RPTOR: variants seen among roughly 807,000 people sequenced by gnomAD.
The protein encoded by RPTOR is regulatory associated protein of MTOR complex 1.
Under a neutral mutation model 169.9 loss-of-function variants are expected in RPTOR, and 21 were observed. That is an observed-to-expected ratio of 0.12 (90% CI 0.09 to 0.18). The LOEUF (loss-of-function observed/expected upper bound fraction) is 0.18. Among genes scored for constraint, RPTOR ranks in the 10% least tolerant of loss-of-function variants. The pLI is 1.00. For missense variants in RPTOR, 1,133 were observed against 1,855.9 expected, an observed-to-expected ratio of 0.61 and a Z score of 7.16; for synonymous variants, 732 against 753.2, an observed-to-expected ratio of 0.97 and a Z score of 0.46.
At position 80,908,800 on chromosome 17, in the gene RPTOR, C is replaced by A; in HGVS notation, c.2402-11C>A. ...CTTTCCACTAAAACATCTTCCATTT[C>A]TCTCTCTCAGGAGTTTCCTTTAACA... On this transcript the variant is annotated splice_polypyrimidine_tract_variant and intron_variant, in intron 20 of 33. Coordinates refer to ENST00000306801, the MANE Select transcript of RPTOR (RefSeq NM_020761.3). 2 of 1,596,562 alleles carry A rather than the reference C, an allele frequency of 1.3e-6. No homozygotes were observed. The highest frequency in any genetic ancestry group is 1.7e-6 in the Non-Finnish European group (2 of 1,164,564).
intron 1 of RPTOR, among the ~76,000 whole-genome samples, chr17:80,614,080 ACT>A (rs2065291299): frequency 6.6e-6 from 1 of 152,056 alleles, no homozygotes; most frequent in African/African-American, 2.4e-5. Context: ...ATGGCTGGAC[ACT>A]CTCTTCATGT....
chr17:80,905,090 A>G (rs2068523954), intron 20 of RPTOR, among the ~76,000 whole-genome samples: 1 of 152,088 alleles, frequency 6.6e-6, no homozygotes, highest in Non-Finnish European at 1.5e-5. Flanking sequence ...TGCATCCCCC[A>G]CACACATCCC....
intron 1 of RPTOR, among the ~76,000 whole-genome samples, chr17:80,584,739 TTAC>T (rs1381429214): frequency 6.6e-6 from 1 of 152,236 alleles, no homozygotes; most frequent in African/African-American, 2.4e-5. Flanking sequence ...CATCATGTGT[TTAC>T]TGCTTTTATC....
rs1440436634 is a variant in RPTOR, at chr17:80,885,011, C to T, written c.1846C>T (p.Arg616Cys). 5 of 1,608,340 alleles carry T rather than the reference C, an allele frequency of 3.1e-6. No homozygotes were observed. Among genetic ancestry groups the T allele is most frequent in the Non-Finnish European group, 4.2e-6 (5 of 1,178,328 alleles). ...GTGACCCCCCGCCGCCTTGCAGGTC[C>T]GCTGCGCAGCGGTCTTCGCCCTTGG... ...SLLSDPIPEV[R>C]CAAVFALGTF... is the part of the protein sequence containing the mutation. Residue 616 changes from arginine (R) to cysteine (C), a missense_variant, in exon 17 of 34, where the codon CGC becomes TGC. Coordinates refer to ENST00000306801, the MANE Select transcript of RPTOR (RefSeq NM_020761.3).
At position 80,861,758 on chromosome 17, in the gene RPTOR, T is replaced by C. The variant is rs1299381972; in HGVS notation, c.1509+3858T>C. ...GCACCGCCAGTGCTGCAGGAACGTG[T>C]CTAAGCCAACTTTGATTCTCAGACT... On this transcript the variant is annotated intron_variant, in intron 13 of 33. Transcript: ENST00000306801. This position sits in a 1 kb window ranked among gnomAD's most constrained non-coding sequence, Gnocchi z 4.5. Among the ~76,000 whole-genome samples, 1 of 152,188 alleles carries C rather than the reference T, an allele frequency of 6.6e-6. No homozygotes were observed. The highest frequency in any genetic ancestry group is 2.4e-5 in the African/African-American group (1 of 41,446).
At chr17:80,961,558 AT>A in intron 31 of RPTOR, 78 bp downstream of exon 31, 2 of 1,435,436 alleles carry the variant, frequency 1.4e-6, no homozygotes, top group Non-Finnish European at 1.9e-6. Flanking sequence ...CGTCCTTGGT[AT>A]TTAAACAGCT....
intron 7 of RPTOR, among the ~76,000 whole-genome samples, chr17:80,816,401 A>G (rs2067323802): frequency 6.6e-6 from 1 of 152,186 alleles, no homozygotes; most frequent in African/African-American, 2.4e-5. Flanking sequence ...GCGAATCCAC[A>G]GGGACTCTTG....
intron 1 of RPTOR, among the ~76,000 whole-genome samples, chr17:80,566,549 G>A (rs975655657): frequency 6.6e-6 from 1 of 151,974 alleles, no homozygotes; most frequent in Non-Finnish European, 1.5e-5. Context: ...GGCTGGGTGC[G>A]GTGGCTCACG....
At chr17:80,946,540 G>C (rs7208853) in intron 26 of RPTOR, among the ~76,000 whole-genome samples, 37,555 of 152,158 alleles carry the variant, frequency 0.25, 4,899 homozygotes, top group African/African-American at 0.31. Flanking sequence ...CTGAAGTGGC[G>C]CACGCTAGGA....
Position 80,861,900 on chromosome 17 carries a change from A to T in RPTOR, c.1509+4000A>T, listed in dbSNP as rs915403313. 6.6e-6 allele frequency among the ~76,000 whole-genome samples: 1 copy of T among 152,080 alleles called. No homozygotes were observed. The highest frequency in any genetic ancestry group is 1.5e-5 in the Non-Finnish European group (1 of 68,004). ...CTCGTACCTTCCTCGTGACATTCTC[A>T]CTGCATCCACAGCCCATCATGGTAT... On this transcript the variant is annotated intron_variant, in intron 13 of 33. Coordinates refer to ENST00000306801, the MANE Select transcript of RPTOR (RefSeq NM_020761.3). The surrounding 1 kb of genome is among the most constrained non-coding windows in gnomAD (Gnocchi z 4.5).
chr17:80,907,345 G>A (rs1040309983), intron 20 of RPTOR, among the ~76,000 whole-genome samples: 1 of 152,230 alleles, frequency 6.6e-6, no homozygotes, highest in Non-Finnish European at 1.5e-5. Context: ...CTGAGGGCAG[G>A]GCCCTGTCTG....
rs1567966102 is a variant in RPTOR at position 80,883,576 on chromosome 17, CA to C, written c.1650+93del. 6 of 1,349,566 alleles carry C rather than the reference CA, an allele frequency of 4.4e-6. No individual in the cohort carries two copies. In the East Asian group the frequency reaches 1.2e-4, roughly 26 times the overall value. The allele number at this position is 1,349,566 out of a possible 1,614,324, so 83.6% of individuals were successfully genotyped here. On this transcript the variant is annotated intron_variant, in intron 15 of 33. Transcript: ENST00000306801. ...GTGAAACGTGGTGCCACATGGGGGACAGGGGGTGTCCAGCAGAGGCTCTGAC... is the reference window on the plus strand; with the variant it reads ...GTGAAACGTGGTGCCACATGGGGGACGGGGGTGTCCAGCAGAGGCTCTGAC...
chr17:80,789,085 G>A (rs2067021927), intron 6 of RPTOR, among the ~76,000 whole-genome samples: 3 of 152,156 alleles, frequency 2.0e-5, no homozygotes, highest in South Asian at 2.1e-4. Flanking sequence ...TTTTATTTAA[G>A]GGAACATTAT....
rs191876241 is a variant in RPTOR at position 80,877,939 on chromosome 17, G to T, written c.1510-2476G>T. Reference sequence around the variant, plus strand: ...TGATGTGAGGCAGAAACACCTCATTGTAAGAGCACCCCTGAGAAATGGCGG... The same window carrying T: ...TGATGTGAGGCAGAAACACCTCATTTTAAGAGCACCCCTGAGAAATGGCGG... On this transcript the variant is annotated intron_variant, in intron 13 of 33. Coordinates refer to ENST00000306801, the MANE Select transcript of RPTOR (RefSeq NM_020761.3). Among the ~76,000 whole-genome samples, 75 of 152,308 alleles carry T rather than the reference G, an allele frequency of 4.9e-4. 1 individual carries two copies. The highest frequency in any genetic ancestry group is 3.4e-3 in the Middle Eastern group (1 of 294).
At chr17:80,618,313 C>CT (rs958015715) in intron 1 of RPTOR, among the ~76,000 whole-genome samples, 13 of 152,210 alleles carry the variant, frequency 8.5e-5, no homozygotes, top group Non-Finnish European at 1.9e-4. Flanking sequence ...CTATAATAAA[C>CT]TTTTTTTCCC....
chr17:80,743,079 C>T (rs574573473), intron 5 of RPTOR, among the ~76,000 whole-genome samples: 11 of 152,162 alleles, frequency 7.2e-5, no homozygotes, highest in South Asian at 2.1e-4. Context: ...ATTAGATTGT[C>T]TTTGCGCACT....
At chr17:80,703,511 T>C (rs1313619149) in intron 3 of RPTOR, among the ~76,000 whole-genome samples, 1 of 152,138 alleles carries the variant, frequency 6.6e-6, no homozygotes, top group Non-Finnish European at 1.5e-5. Context: ...GACTGCAGAC[T>C]TGAGCCAGGA....
chr17:80,593,323 G>A (rs1022732479), intron 1 of RPTOR: 1 of 154,854 alleles, frequency 6.5e-6, no homozygotes, highest in African/African-American at 2.4e-5. Flanking sequence ...ATGAGACCGC[G>A]GCGGCCATGC....
intron 1 of RPTOR, among the ~76,000 whole-genome samples, chr17:80,569,566 C>G (rs144932627): frequency 1.3e-4 from 20 of 152,150 alleles, no homozygotes; most frequent in African/African-American, 2.4e-5. Flanking sequence ...TAAATAAAAG[C>G]AGGTCTAGGT....
Sources: allele counts gnomAD v4.1 joint callset (sites outside exome capture counted in the v4.1 genomes callset), GRCh38; gene constraint gnomAD v4.1.1; non-coding constraint Gnocchi (gnomAD v3.1); transcripts MANE v1.5; gene names NCBI Gene and HGNC (gene_info 2026-07-23, HGNC 2026-07-21).